Variants in TNC observed in about 807,000 individuals in gnomAD.
TNC encodes the protein tenascin C, also known as tenascin.
A neutral mutation model predicts 202.4 loss-of-function variants in TNC; 109 were observed. The ratio of observed to expected loss-of-function variants is 0.54; its 90% CI spans 0.46 to 0.63. TNC has a LOEUF of 0.63. TNC is among the 30% of genes least tolerant of loss of function. The pLI is 0.00. For missense variants in TNC, 2,756 were observed against 2,833.3 expected (o/e 0.97, Z 0.62); for synonymous variants, 1,007 against 1,089.7 (o/e 0.92, Z 1.50).
At chr9:115,117,322 T>C (rs1837542218) in intron 1 of TNC, among the ~76,000 whole-genome samples, 3 of 152,056 alleles carry the variant, frequency 2.0e-5, no homozygotes, top group Admixed American at 2.0e-4. Context: ...GAGGAGGTGA[T>C]TCTAGAGACA....
intron 1 of TNC, among the ~76,000 whole-genome samples, chr9:115,112,295 C>T (rs1035964563): frequency 6.6e-6 from 1 of 152,186 alleles, no homozygotes; most frequent in African/African-American, 2.4e-5. Flanking sequence ...GTTTCACCCT[C>T]TTTAAAATGA....
chr9:115,108,597 C>T (rs1416804226), intron 1 of TNC, among the ~76,000 whole-genome samples: 2 of 152,190 alleles, frequency 1.3e-5, no homozygotes, highest in Admixed American at 6.5e-5. Flanking sequence ...ATATCACTAC[C>T]TGAAATTGTG....
At chr9:115,057,446 G>T in intron 14 of TNC, 21 bp from the exon 15 acceptor site, 1 of 1,563,646 alleles carries the variant, frequency 6.4e-7, no homozygotes, top group Non-Finnish European at 8.6e-7. Flanking sequence ...AAGGGGTAGG[G>T]GAGAAGAAAA....
intron 14 of TNC, 144 bp downstream of exon 14, chr9:115,059,586 G>A: frequency 2.5e-6 from 2 of 805,784 alleles, no homozygotes; most frequent in East Asian, 2.5e-5. Context: ...ATAGCCCACA[G>A]GGAGGTCTCT....
intron 1 of TNC, among the ~76,000 whole-genome samples, chr9:115,111,399 C>CTTTTTTTTTTTTTTTTTTTTT (rs71375272): frequency 4.2e-5 from 3 of 71,360 alleles, no homozygotes; most frequent in African/African-American, 1.8e-4. Flanking sequence ...CTCTCTCTCT[C>CTTTTTTTTTTTTTTTTTTTTT]TTTTTTTTTT....
rs140014097 is a variant in TNC at position 115,087,162 on chromosome 9, C to A, written c.569G>T (p.Cys190Phe). The A allele has an allele frequency of 1.2e-5, 20 of 1,614,136 alleles. No individual in the cohort carries two copies. Among genetic ancestry groups the A allele is most frequent in the Non-Finnish European group, 1.7e-5 (20 of 1,180,060 alleles). ...WKGPNCSEPE[C>F]PGNCHLRGRC... ...GCCTCGAAGGTGACAGTTGCCTGGA[C>A]ATTCGGGCTCAGAGCAGTTGGGGCC... The change falls in exon 3 of 28, where the codon TGT becomes TTT. Residue 190 changes from cysteine (C) to phenylalanine (F), a missense_variant. Around this residue, in one of 2 missense-constraint regions of TNC, gnomAD observed 2,559 missense variants for 2,546.0 expected, o/e 1.01. Transcript: ENST00000350763.
chr9:115,036,392 C>G (rs935366737), intron 20 of TNC, 151 bp from the exon 21 acceptor site: 1 of 819,396 alleles, frequency 1.2e-6, no homozygotes, highest in Non-Finnish European at 1.9e-6. Context: ...GACTCACGCT[C>G]TCTTTCTCTC....
intron 1 of TNC, among the ~76,000 whole-genome samples, chr9:115,105,740 G>C (rs12001794): frequency 0.021 from 3,195 of 152,264 alleles, 97 homozygotes; most frequent in African/African-American, 0.072. Flanking sequence ...ACAACACGTT[G>C]ATAGGTACTA....
chr9:115,070,773 C>T (rs1384044817), intron 10 of TNC, among the ~76,000 whole-genome samples: 1 of 152,220 alleles, frequency 6.6e-6, no homozygotes, highest in Non-Finnish European at 1.5e-5. Flanking sequence ...GAACCTAAAA[C>T]TCTGCAACAT....
chr9:115,049,796 G>A (rs146202590), intron 15 of TNC, among the ~76,000 whole-genome samples: 242 of 152,080 alleles, frequency 1.6e-3, no homozygotes, highest in Non-Finnish European at 4.7e-4. Flanking sequence ...AAATGCTCTT[G>A]CATTAATTCA....
chr9:115,070,993 T>C (rs1833424755), intron 10 of TNC, among the ~76,000 whole-genome samples: 1 of 152,240 alleles, frequency 6.6e-6, no homozygotes, highest in African/African-American at 2.4e-5. Flanking sequence ...AGATCCAGTG[T>C]CTCCTGAGCA....
chr9:115,104,416 G>A (rs1403005970), intron 1 of TNC, among the ~76,000 whole-genome samples: 1 of 152,178 alleles, frequency 6.6e-6, no homozygotes, highest in Non-Finnish European at 1.5e-5. Flanking sequence ...GCCACCCAAA[G>A]TCAGAAATTT....
At chr9:115,033,643 G>A (rs549929053) in intron 22 of TNC, among the ~76,000 whole-genome samples, 1 of 152,342 alleles carries the variant, frequency 6.6e-6, no homozygotes, top group South Asian at 2.1e-4. Context: ...CCAGGAAGGG[G>A]CATGATAGTT....
chr9:115,038,774 T>C (rs531376511), intron 19 of TNC, among the ~76,000 whole-genome samples: 2 of 152,326 alleles, frequency 1.3e-5, no homozygotes, highest in East Asian at 1.9e-4. Context: ...GGGACTTGCA[T>C]AGTTAAGACT....
At chr9:115,067,124 C>T (rs997628320) in intron 10 of TNC, among the ~76,000 whole-genome samples, 2 of 152,180 alleles carry the variant, frequency 1.3e-5, no homozygotes, top group Non-Finnish European at 2.9e-5. Flanking sequence ...GTGTCAACTA[C>T]CTTTAATCCT....
At chr9:115,035,006 C>A (rs1226349960) in intron 22 of TNC, among the ~76,000 whole-genome samples, 198 bp downstream of exon 22, 5 of 152,070 alleles carry the variant, frequency 3.3e-5, no homozygotes, top group Non-Finnish European at 7.4e-5. Context: ...CCTATCAGAA[C>A]TGGAGTCTGG....
At chr9:115,058,676 CTCTTG>C (rs1278468685) in intron 14 of TNC, among the ~76,000 whole-genome samples, 4 of 152,182 alleles carry the variant, frequency 2.6e-5, no homozygotes, top group African/African-American at 9.7e-5. Context: ...CAGAGCTATG[CTCTTG>C]CTAGATTCAA....
At position 115,019,629 on chromosome 9, in the gene TNC, T is replaced by C. The variant is rs188361991; in HGVS notation, c.*1528A>G. Reference sequence around the variant, plus strand: ...TAGTAGCCACAATCAAGTCATTGGGTTTCTATGAACCCCAGTCCATCTCAT... The same window carrying C: ...TAGTAGCCACAATCAAGTCATTGGGCTTCTATGAACCCCAGTCCATCTCAT... On this transcript the variant is annotated 3_prime_UTR_variant, in exon 28 of 28. Coordinates refer to ENST00000350763, the MANE Select transcript of TNC (RefSeq NM_002160.4). 4 of 152,340 alleles carry C rather than the reference T, an allele frequency of 2.6e-5. No homozygotes were observed. The highest frequency in any genetic ancestry group is 9.6e-5 in the African/African-American group (4 of 41,580). 9.4% of individuals were successfully genotyped at this position (152,340 alleles called of 1,614,324 possible).
chr9:115,094,581 G>A (rs1588190665), intron 1 of TNC, among the ~76,000 whole-genome samples: 1 of 152,166 alleles, frequency 6.6e-6, no homozygotes, highest in Non-Finnish European at 1.5e-5. Flanking sequence ...ATTTCAGAAT[G>A]AGCAACTTAT....
Sources: gnomAD v4.1 joint callset for allele counts (sites outside exome capture counted in the v4.1 genomes callset) on GRCh38, gnomAD v4.1.1 for gene constraint, gnomAD v4.1.1 regional missense constraint, MANE v1.5 for transcripts, NCBI Gene and HGNC (gene_info 2026-07-23, HGNC 2026-07-21) for gene names.